Variants in VOPP1 observed in about 807,000 individuals in gnomAD.
The protein encoded by VOPP1 is WW domain binding protein VOPP1.
A neutral mutation model predicts 23.5 loss-of-function variants in VOPP1; 8 were observed. The ratio of observed to expected loss-of-function variants is 0.34; its 90% CI spans 0.20 to 0.61. VOPP1 has a LOEUF of 0.61. Among genes scored for constraint, VOPP1 ranks in the 20% least tolerant of loss-of-function variants. The pLI is 0.78. For missense variants in VOPP1, 174 were observed against 238.1 expected, an observed-to-expected ratio of 0.73 and a Z score of 1.77; for synonymous variants, 83 against 97.3, an observed-to-expected ratio of 0.85 and a Z score of 0.86.
chr7:55,495,965 C>T (rs978308701), intron 3 of VOPP1, among the ~76,000 whole-genome samples: 2 of 152,216 alleles, frequency 1.3e-5, no homozygotes, highest in East Asian at 1.9e-4. Flanking sequence ...CCCACCAAGT[C>T]GTCGTGTGCT....
chr7:55,468,919 A>C (rs1159321877), downstream of VOPP1, among the ~76,000 whole-genome samples: 1 of 152,198 alleles, frequency 6.6e-6, no homozygotes, highest in African/African-American at 2.4e-5. Context: ...TTGAGGATAA[A>C]CTAATTTTTA....
In VOPP1 at chr7:55,572,427, G is replaced by T; in HGVS notation, c.-103C>A. On this transcript the variant is annotated 5_prime_UTR_variant, in exon 1 of 5. Coordinates refer to ENST00000285279, the MANE Select transcript of VOPP1 (RefSeq NM_030796.5). ...GGCGGGCAGACTGCAGCCGGGAGCC[G>T]TCCCGCCGACCGCTGGGGGGCCCGG... 5 of 844,712 alleles carry T rather than the reference G, an allele frequency of 5.9e-6. No homozygotes were observed. Among genetic ancestry groups the T allele is most frequent in the Non-Finnish European group, 5.9e-6 (4 of 673,972 alleles). 52.3% of individuals were successfully genotyped at this position (844,712 alleles called of 1,614,324 possible).
intron 4 of VOPP1, among the ~76,000 whole-genome samples, chr7:55,484,880 T>C (rs751059023): frequency 1.3e-5 from 2 of 152,174 alleles, no homozygotes; most frequent in Non-Finnish European, 2.9e-5. Context: ...CCAGTCTGTG[T>C]AGTACTTTGT....
intron 1 of VOPP1, among the ~76,000 whole-genome samples, chr7:55,555,798 G>C (rs147692885): frequency 8.0e-4 from 122 of 152,264 alleles, no homozygotes; most frequent in Non-Finnish European, 1.5e-3. Flanking sequence ...TGCTCACATA[G>C]TTCCTGCTTA....
At chr7:55,444,109 T>C (rs1255484228) in intron 4 of VOPP1, among the ~76,000 whole-genome samples, 4 of 152,134 alleles carry the variant, frequency 2.6e-5, no homozygotes, top group African/African-American at 9.7e-5. Flanking sequence ...CCCCAATAAG[T>C]GACAGCTGCC....
At chr7:55,526,073 T>C (rs764641316) in intron 1 of VOPP1, among the ~76,000 whole-genome samples, 4 of 152,206 alleles carry the variant, frequency 2.6e-5, no homozygotes, top group African/African-American at 4.8e-5. Context: ...CTGTGGGATA[T>C]TCCCTCTGTG....
chr7:55,570,146 G>A (rs1798300068), intron 1 of VOPP1, among the ~76,000 whole-genome samples: 1 of 152,138 alleles, frequency 6.6e-6, no homozygotes, highest in Non-Finnish European at 1.5e-5. Flanking sequence ...CCATGTATGT[G>A]ATTCAGGACT....
At chr7:55,537,184 G>A (rs942774584) in intron 1 of VOPP1, among the ~76,000 whole-genome samples, 1 of 152,154 alleles carries the variant, frequency 6.6e-6, no homozygotes, top group African/African-American at 2.4e-5. Context: ...CACTGACCCT[G>A]CCCTGTCCCA....
intron 1 of VOPP1, among the ~76,000 whole-genome samples, chr7:55,550,013 G>A (rs1188227608): frequency 6.6e-6 from 1 of 152,182 alleles, no homozygotes; most frequent in Non-Finnish European, 1.5e-5. Context: ...CCTCTCCTCA[G>A]CATGATAGCC....
At chr7:55,507,284 C>T (rs1484304746) in intron 2 of VOPP1, among the ~76,000 whole-genome samples, 3 of 152,144 alleles carry the variant, frequency 2.0e-5, no homozygotes, top group Non-Finnish European at 2.9e-5. Context: ...TTTCAGTACA[C>T]GGCAGGGCTG....
intron 1 of VOPP1, among the ~76,000 whole-genome samples, chr7:55,562,512 G>C (rs921395064): frequency 1.2e-4 from 19 of 152,208 alleles, no homozygotes; most frequent in Non-Finnish European, 2.1e-4. Flanking sequence ...CAAGACTATT[G>C]CAATAGGGGT....
intron 4 of VOPP1, among the ~76,000 whole-genome samples, chr7:55,462,072 T>C (rs2129003813): frequency 6.6e-6 from 1 of 152,328 alleles, no homozygotes; most frequent in East Asian, 1.9e-4. Flanking sequence ...AAAGACTTTA[T>C]TACTCTTTAA....
At chr7:55,563,705 G>A (rs556094653) in intron 1 of VOPP1, among the ~76,000 whole-genome samples, 66 of 152,190 alleles carry the variant, frequency 4.3e-4, no homozygotes, top group African/African-American at 1.4e-4. Context: ...ACAATGTTTT[G>A]GCTGTGATCT....
At chr7:55,507,419 T>A (rs531276286) in intron 2 of VOPP1, among the ~76,000 whole-genome samples, 213 of 147,396 alleles carry the variant, frequency 1.4e-3, no homozygotes, top group African/African-American at 5.3e-3. Flanking sequence ...GCAGGTATAT[T>A]TTTTTTTAAC....
At chr7:55,467,538 C>T (rs1309302289), downstream of VOPP1, among the ~76,000 whole-genome samples, 1 of 152,260 alleles carries the variant, frequency 6.6e-6, no homozygotes, top group African/African-American at 2.4e-5. Context: ...AGTCAACCCA[C>T]CTCCCTTCTC....
At chr7:55,448,995 A>ACAAT (rs1056269547) in intron 4 of VOPP1, among the ~76,000 whole-genome samples, 4 of 152,190 alleles carry the variant, frequency 2.6e-5, no homozygotes, top group African/African-American at 9.7e-5. Context: ...TACCATGAAA[A>ACAAT]ATATTGGAGT....
At chr7:55,569,377 G>A (rs1275724516) in intron 1 of VOPP1, among the ~76,000 whole-genome samples, 1 of 152,174 alleles carries the variant, frequency 6.6e-6, no homozygotes, top group Non-Finnish European at 1.5e-5. Context: ...TTCTAAGGAA[G>A]GGTGACTGAG....
At chr7:55,464,339 C>A (rs1265093267) in intron 4 of VOPP1, among the ~76,000 whole-genome samples, 2 of 152,138 alleles carry the variant, frequency 1.3e-5, no homozygotes, top group Admixed American at 6.5e-5. Context: ...CTCAGGTCCC[C>A]TTTATGGCAT....
At chr7:55,567,542 T>G (rs550373605) in intron 1 of VOPP1, among the ~76,000 whole-genome samples, 238 of 152,294 alleles carry the variant, frequency 1.6e-3, no homozygotes, top group African/African-American at 5.4e-3. Context: ...TTGCCATGTA[T>G]TTCTAAGTCA....
Sources: gnomAD v4.1 joint callset for allele counts (sites outside exome capture counted in the v4.1 genomes callset) on GRCh38, gnomAD v4.1.1 for gene constraint, MANE v1.5 for transcripts, NCBI Gene and HGNC (gene_info 2026-07-23, HGNC 2026-07-21) for gene names.